Variants in WWOX observed in about 807,000 individuals in gnomAD.
WWOX encodes the protein WW domain containing oxidoreductase, also known as WW domain-containing oxidoreductase.
In WWOX, 69 loss-of-function variants were observed where a neutral mutation model predicts 46.2. The observed-to-expected ratio is 1.49, with a 90% confidence interval of 1.23 to 1.82. WWOX has a LOEUF of 1.82. Ranked by LOEUF, WWOX falls within the 40% of genes most tolerant of loss-of-function variation. WWOX has a pLI of 0.00. For synonymous variants in WWOX, 359 were observed against 202.6 expected (o/e 1.77, Z -6.56); for missense variants, 919 against 542.6 (o/e 1.69, Z -6.89).
At chr16:79,194,683 C>G (rs1027588584) in intron 8 of WWOX, among the ~76,000 whole-genome samples, 1 of 152,174 alleles carries the variant, frequency 6.6e-6, no homozygotes, top group African/African-American at 2.4e-5. Context: ...TTCTACAGCC[C>G]CCGCTCTGCT....
intron 5 of WWOX, among the ~76,000 whole-genome samples, chr16:78,377,437 G>A (rs112938793): frequency 6.6e-6 from 1 of 151,968 alleles, no homozygotes; most frequent in African/African-American, 2.4e-5. Flanking sequence ...TCAACTTATT[G>A]TACTCCTCTT....
intron 5 of WWOX, among the ~76,000 whole-genome samples, chr16:78,370,010 T>C (rs1199689703): frequency 1.3e-5 from 2 of 151,276 alleles, no homozygotes; most frequent in Non-Finnish European, 1.5e-5. Flanking sequence ...TGCATGTCTG[T>C]AATCCCAGCT....
At chr16:78,470,875 A>G (rs1312721169) in intron 8 of WWOX, among the ~76,000 whole-genome samples, 3 of 152,174 alleles carry the variant, frequency 2.0e-5, no homozygotes, top group African/African-American at 4.8e-5. Flanking sequence ...ACCTTTGCCT[A>G]CCTTCTACTC....
At chr16:78,712,685 T>A (rs1185355285) in intron 8 of WWOX, among the ~76,000 whole-genome samples, 1 of 152,090 alleles carries the variant, frequency 6.6e-6, no homozygotes, top group African/African-American at 2.4e-5. Context: ...TAGCCTTCAT[T>A]TTTTAAAGTA....
At chr16:78,775,940 C>T (rs1349264082) in intron 8 of WWOX, among the ~76,000 whole-genome samples, 1 of 152,220 alleles carries the variant, frequency 6.6e-6, no homozygotes, top group African/African-American at 2.4e-5. Flanking sequence ...GTGGCCATCA[C>T]TACTCTAAAC....
chr16:78,727,375 A>T (rs540037145), intron 8 of WWOX, among the ~76,000 whole-genome samples: 1 of 152,222 alleles, frequency 6.6e-6, no homozygotes, highest in South Asian at 2.1e-4. Context: ...ACAGAGCAAG[A>T]CTCCATCTCA....
intron 8 of WWOX, among the ~76,000 whole-genome samples, chr16:78,850,755 C>G (rs2052422639): frequency 6.6e-6 from 1 of 152,096 alleles, no homozygotes; most frequent in Admixed American, 6.5e-5. Context: ...AAAAAAGAAC[C>G]CAATCTTATT....
rs947898240 is a variant in WWOX, at chr16:78,148,088, C to T, written c.410-16095C>T. On this transcript the variant is annotated intron_variant, in intron 4 of 8. Transcript: ENST00000566780. ...TACCAGCTGTGAAAACAATGAGACA[C>T]GTTCAGTAATAGAATATAGTGTGCT... Among the ~76,000 whole-genome samples, 4 of 152,102 alleles carry T rather than the reference C, an allele frequency of 2.6e-5. No homozygotes were observed. In the South Asian group the frequency reaches 8.3e-4, roughly 32 times the overall value.
At chr16:78,181,079 C>T (rs561054195) in intron 5 of WWOX, among the ~76,000 whole-genome samples, 37 of 151,964 alleles carry the variant, frequency 2.4e-4, no homozygotes, top group African/African-American at 8.7e-4. Flanking sequence ...TGAAGCCTGT[C>T]GAGATAAATG....
intron 5 of WWOX, among the ~76,000 whole-genome samples, chr16:78,175,606 A>G (rs2035318057): frequency 6.6e-6 from 1 of 152,178 alleles, no homozygotes; most frequent in Non-Finnish European, 1.5e-5. Flanking sequence ...GCCACCAGCC[A>G]TGTATATGAT....
chr16:78,919,715 C>T (rs1258744276), intron 8 of WWOX, among the ~76,000 whole-genome samples: 1 of 151,868 alleles, frequency 6.6e-6, no homozygotes, highest in Non-Finnish European at 1.5e-5. Context: ...AGGGGTTTTA[C>T]CATATTGGCC....
intron 5 of WWOX, among the ~76,000 whole-genome samples, chr16:78,332,828 G>GGT (rs1316601310): frequency 5.9e-5 from 9 of 152,098 alleles, no homozygotes; most frequent in Admixed American, 4.6e-4. Flanking sequence ...TGCAAATGAA[G>GGT]AGGCTGAGGC....
intron 8 of WWOX, among the ~76,000 whole-genome samples, chr16:78,797,434 C>A (rs1157591571): frequency 6.6e-6 from 1 of 150,700 alleles, no homozygotes; most frequent in Non-Finnish European, 1.5e-5. Flanking sequence ...GTAGTCATTT[C>A]CCCAAATGCC....
At chr16:79,137,024 G>A (rs918375128) in intron 8 of WWOX, among the ~76,000 whole-genome samples, 4 of 152,198 alleles carry the variant, frequency 2.6e-5, no homozygotes, top group African/African-American at 9.6e-5. Flanking sequence ...CTATTGTGAT[G>A]TTTTATTACC....
At chr16:78,315,314 C>G (rs1178821901) in intron 5 of WWOX, among the ~76,000 whole-genome samples, 1 of 152,050 alleles carries the variant, frequency 6.6e-6, no homozygotes, top group African/African-American at 2.4e-5. Context: ...CTTCATTGTG[C>G]CCTTTAGAGG....
intron 8 of WWOX, among the ~76,000 whole-genome samples, chr16:78,491,487 CA>C (rs2084782906): frequency 6.6e-6 from 1 of 152,018 alleles, no homozygotes. Flanking sequence ...TTTTTTGAGA[CA>C]GGGTTTTGCT....
At chr16:78,211,211 G>A (rs567319287) in intron 5 of WWOX, among the ~76,000 whole-genome samples, 3 of 152,160 alleles carry the variant, frequency 2.0e-5, no homozygotes, top group South Asian at 2.1e-4. Flanking sequence ...AATTTCCCAC[G>A]AGTCTAGGGT....
chr16:78,133,396 G>T (rs148973982), intron 4 of WWOX, among the ~76,000 whole-genome samples: 46 of 152,296 alleles, frequency 3.0e-4, no homozygotes, highest in Non-Finnish European at 6.2e-4. Context: ...AACTAGCTGG[G>T]ACAACAGGTG....
intron 5 of WWOX, among the ~76,000 whole-genome samples, chr16:78,364,299 A>G (rs1213673141): frequency 6.6e-6 from 1 of 152,248 alleles, no homozygotes; most frequent in Non-Finnish European, 1.5e-5. Flanking sequence ...TAAAGGGGGA[A>G]TTGGATATTG....
Sources: allele counts gnomAD v4.1 joint callset (sites outside exome capture counted in the v4.1 genomes callset), GRCh38; gene constraint gnomAD v4.1.1; transcripts MANE v1.5; gene names NCBI Gene and HGNC (gene_info 2026-07-23, HGNC 2026-07-21).